SIPA1L2: variants seen among roughly 807,000 people sequenced by gnomAD.
The protein encoded by SIPA1L2 is signal-induced proliferation-associated 1-like protein 2.
In SIPA1L2, 56 loss-of-function variants were observed where a neutral mutation model predicts 163.9. The observed-to-expected ratio is 0.34, with a 90% CI of 0.28 to 0.43. The LOEUF is 0.43. SIPA1L2 is among the 20% of genes least tolerant of loss of function. The probability of loss-of-function intolerance (pLI) is 1.00; values close to 1 mark genes in which losing one functional copy is unlikely to be tolerated. For synonymous variants in SIPA1L2, 877 were observed against 865.7 expected, an observed-to-expected ratio of 1.01 and a Z score of -0.23; for missense variants, 1,974 against 2,193.5, an observed-to-expected ratio of 0.90 and a Z score of 2.00.
chr1:232,483,749 T>C (rs1665503661), intron 6 of SIPA1L2, 43 bp downstream of exon 6: 1 of 1,608,718 alleles, frequency 6.2e-7, no homozygotes, highest in Non-Finnish European at 8.5e-7. Context: ...ATGCCTACCT[T>C]TGGAGAATTA....
chr1:232,462,388 A>G lies in SIPA1L2; in HGVS notation c.2821-1227T>C, dbSNP rs1664286559. On this transcript the variant is annotated intron_variant, in intron 9 of 22. Coordinates refer to ENST00000674635, the MANE Select transcript of SIPA1L2 (RefSeq NM_020808.5). ...TGAAACATGCTCTGACTACATAGAT[A>G]CCTATTTAATAAGACCTATGACAGT... 2.7e-6 allele frequency: 4 copies of G among 1,479,682 alleles called. No individual in the cohort carries two copies. In the Admixed American group the frequency reaches 6.8e-5, roughly 25 times the overall value. 91.7% of individuals were successfully genotyped at this position (1,479,682 alleles called of 1,614,324 possible).
chr1:232,522,306 C>T (rs116186519), intron 2 of SIPA1L2, among the ~76,000 whole-genome samples: 52 of 152,288 alleles, frequency 3.4e-4, no homozygotes, highest in African/African-American at 1.2e-3. Flanking sequence ...TTCCACCCTC[C>T]ATGCTCCCAT....
intron 2 of SIPA1L2, among the ~76,000 whole-genome samples, chr1:232,539,235 T>C (rs1013295236): frequency 1.3e-5 from 2 of 152,234 alleles, no homozygotes; most frequent in Non-Finnish European, 2.9e-5. Context: ...TAGGGTCTTA[T>C]CTAGGGCTTC....
chr1:232,593,130 T>C (rs1274743623), intron 1 of SIPA1L2, among the ~76,000 whole-genome samples: 2 of 152,228 alleles, frequency 1.3e-5, no homozygotes, highest in African/African-American at 4.8e-5. Flanking sequence ...TATTACATAT[T>C]GTATCACGTA....
intron 1 of SIPA1L2, among the ~76,000 whole-genome samples, chr1:232,629,653 C>T (rs1291022045): frequency 9.2e-5 from 14 of 152,184 alleles, no homozygotes; most frequent in Non-Finnish European, 1.3e-4. Context: ...GGCTCCTCTT[C>T]CAGCCGGGGA....
At chr1:232,585,282 TAGC>T (rs1404359284) in intron 1 of SIPA1L2, among the ~76,000 whole-genome samples, 1 of 152,228 alleles carries the variant, frequency 6.6e-6, no homozygotes, top group Admixed American at 6.5e-5. Flanking sequence ...TCTATAAACA[TAGC>T]AGAATATACT....
chr1:232,399,524 A>G (rs969181345), intron 22 of SIPA1L2, among the ~76,000 whole-genome samples: 2 of 152,026 alleles, frequency 1.3e-5, no homozygotes, highest in Non-Finnish European at 2.9e-5. Flanking sequence ...GATAGCCTTT[A>G]TATAGGAAGG....
At chr1:232,491,353 C>G (rs1665922126) in intron 4 of SIPA1L2, among the ~76,000 whole-genome samples, 1 of 152,096 alleles carries the variant, frequency 6.6e-6, no homozygotes, top group Non-Finnish European at 1.5e-5. Flanking sequence ...TTAGGACATT[C>G]CTACAACTCT....
At chr1:232,574,934 T>C (rs1489197126) in intron 1 of SIPA1L2, among the ~76,000 whole-genome samples, 1 of 152,242 alleles carries the variant, frequency 6.6e-6, no homozygotes, top group African/African-American at 2.4e-5. Flanking sequence ...CTTTTCTGCC[T>C]TCCTGGTTGA....
At chr1:232,598,997 CG>C (rs1482246953) in intron 1 of SIPA1L2, among the ~76,000 whole-genome samples, 5 of 95,196 alleles carry the variant, frequency 5.3e-5, no homozygotes, top group Non-Finnish European at 1.3e-4. Flanking sequence ...CCAAATCCTG[CG>C]ATTTTTTAGC....
intron 7 of SIPA1L2, among the ~76,000 whole-genome samples, chr1:232,474,615 T>G (rs1297386787): frequency 1.3e-5 from 2 of 152,180 alleles, no homozygotes; most frequent in Non-Finnish European, 2.9e-5. Flanking sequence ...CAAAAAAATT[T>G]GAAATGTTCT....
chr1:232,553,388 G>T (rs1207091031), intron 2 of SIPA1L2, among the ~76,000 whole-genome samples: 1 of 152,178 alleles, frequency 6.6e-6, no homozygotes, highest in African/African-American at 2.4e-5. Context: ...GGACGGGGGG[G>T]CGTAGTGGGC....
chr1:232,623,241 A>C (rs1332876195), intron 1 of SIPA1L2, among the ~76,000 whole-genome samples: 1 of 152,198 alleles, frequency 6.6e-6, no homozygotes, highest in African/African-American at 2.4e-5. Flanking sequence ...TAGGCTGTCA[A>C]TCTGAACTTT....
chr1:232,589,517 T>G (rs1660857512), intron 1 of SIPA1L2, among the ~76,000 whole-genome samples: 1 of 152,248 alleles, frequency 6.6e-6, no homozygotes, highest in African/African-American at 2.4e-5. Context: ...AATTCTTTTT[T>G]CCAATCTCAC....
At chr1:232,602,161 T>C (rs904321472) in intron 1 of SIPA1L2, among the ~76,000 whole-genome samples, 5 of 151,962 alleles carry the variant, frequency 3.3e-5, no homozygotes, top group Non-Finnish European at 5.9e-5. Context: ...CAAGAAGAGC[T>C]TGTGCACAGG....
chr1:232,402,606 T>C (rs1660413250), intron 21 of SIPA1L2, 133 bp from the exon 22 acceptor site: 4 of 672,984 alleles, frequency 5.9e-6, no homozygotes, highest in Non-Finnish European at 7.2e-6. Flanking sequence ...TATGTCAGAA[T>C]GGGAAAGTGT....
intron 2 of SIPA1L2, among the ~76,000 whole-genome samples, chr1:232,552,080 T>C (rs1374221910): frequency 6.6e-6 from 1 of 152,136 alleles, no homozygotes. Context: ...CCTCAGGCGA[T>C]CCACCCACCT....
intron 3 of SIPA1L2, among the ~76,000 whole-genome samples, chr1:232,500,699 T>C (rs2103015838): frequency 6.6e-6 from 1 of 152,330 alleles, no homozygotes; most frequent in Admixed American, 6.5e-5. Flanking sequence ...TGGAATCCAC[T>C]CCTGGTGAAG....
rs1240529301 is a variant in SIPA1L2, at chr1:232,465,396, T to C, written c.2264A>G (p.Lys755Arg). 6.2e-7 allele frequency: 1 copy of C among 1,609,828 alleles called. No individual in the cohort carries two copies. The highest frequency in any genetic ancestry group is 1.7e-4 in the Middle Eastern group (1 of 6,044). The part of the protein sequence containing the change: ...VCYSVGVSRS[K>R]DVPPFGPPIP... ...CGGTGGGCCAAATGGTGGCACATCT[T>C]TTGATCTGGAAACTCCAACACTGAG... Residue 755 changes from lysine to arginine, a missense_variant, in exon 9 of 23, where the codon AAA (lysine) becomes AGA (arginine). Physicochemically the swap from Lys to Arg is conservative, Grantham distance 26. Around this residue, in one of 3 missense-constraint regions of SIPA1L2, gnomAD observed 288 missense variants for 418.9 expected, o/e 0.69. Coordinates refer to ENST00000674635, the MANE Select transcript of SIPA1L2 (RefSeq NM_020808.5). This position sits in a 1 kb window ranked among gnomAD's most constrained non-coding sequence, Gnocchi z 4.1.
Sources: gnomAD v4.1 joint callset for allele counts (sites outside exome capture counted in the v4.1 genomes callset) on GRCh38, gnomAD v4.1.1 for gene constraint, gnomAD v4.1.1 regional missense constraint, Gnocchi (gnomAD v3.1) non-coding constraint, MANE v1.5 for transcripts, NCBI Gene and HGNC (gene_info 2026-07-23, HGNC 2026-07-21) for gene names.